GPBP1: variants seen among roughly 807,000 people sequenced by gnomAD.
The protein encoded by GPBP1 is GC-rich promoter binding protein 1, also known as vasculin.
GPBP1 carries 13 observed loss-of-function variants against 56.5 expected under a neutral mutation model. That is an observed-to-expected ratio of 0.23 (90% CI 0.15 to 0.37). The LOEUF (loss-of-function observed/expected upper bound fraction) is 0.37. Among genes scored for constraint, GPBP1 ranks in the 10% least tolerant of loss-of-function variants. The pLI is 1.00. For synonymous variants in GPBP1, 204 were observed against 188.9 expected (o/e 1.08, Z -0.66); for missense variants, 477 against 572.3 (o/e 0.83, Z 1.70).
intron 2 of GPBP1, among the ~76,000 whole-genome samples, chr5:57,179,408 G>T (rs1459682067): frequency 6.6e-6 from 1 of 152,058 alleles, no homozygotes; most frequent in East Asian, 1.9e-4. Context: ...GAGTGTAATG[G>T]CACGATTGTA....
At position 57,176,257 on chromosome 5, in the gene GPBP1, T is replaced by A. The variant is rs534828031; in HGVS notation, c.-201T>A. On this transcript the variant is annotated 5_prime_UTR_variant, in exon 2 of 12. Transcript: ENST00000506184. Reference sequence around the variant, plus strand: ...AGAAGTATGGGTAGCTGACTTGAAGTAACTCTATGTCAAATAGTCGTAGGT... The same window carrying A: ...AGAAGTATGGGTAGCTGACTTGAAGAAACTCTATGTCAAATAGTCGTAGGT... The A allele has an allele frequency of 8.1e-6, 3 of 369,722 alleles. No individual in the cohort carries two copies. In the South Asian group the frequency reaches 4.4e-4, roughly 55 times the overall value. 22.9% of individuals were successfully genotyped at this position (369,722 alleles called of 1,614,324 possible).
At chr5:57,221,305 T>G in intron 3 of GPBP1, 1 of 1,070,750 alleles carries the variant, frequency 9.3e-7, no homozygotes, top group Non-Finnish European at 1.3e-6. Context: ...TTTTTTCTTT[T>G]GTGATTTTCT....
intron 2 of GPBP1, among the ~76,000 whole-genome samples, chr5:57,192,382 C>T (rs910832061): frequency 6.6e-5 from 10 of 152,114 alleles, no homozygotes; most frequent in African/African-American, 2.4e-4. Flanking sequence ...CATCTTTTAC[C>T]TGTCTAGGTG....
chr5:57,229,146 G>A (rs1756324893), intron 3 of GPBP1, among the ~76,000 whole-genome samples: 1 of 147,072 alleles, frequency 6.8e-6, no homozygotes, highest in South Asian at 2.2e-4. Context: ...CAGGAGAATC[G>A]CTGGAACCCA....
chr5:57,180,262 C>T (rs879889029), intron 2 of GPBP1, among the ~76,000 whole-genome samples: 1 of 152,028 alleles, frequency 6.6e-6, no homozygotes, highest in Non-Finnish European at 1.5e-5. Flanking sequence ...TTACAGGTCC[C>T]CGCTGCCATG....
chr5:57,224,041 G>C lies in GPBP1; in HGVS notation c.64-6805G>C, dbSNP rs553799399. 1.1e-4 allele frequency among the ~76,000 whole-genome samples: 17 copies of C among 150,698 alleles called. 1 individual carries two copies. Among genetic ancestry groups the C allele is most frequent in the Admixed American group, 2.7e-4 (4 of 15,090 alleles). On this transcript the variant is annotated intron_variant, in intron 3 of 11. Coordinates refer to ENST00000506184, the MANE Select transcript of GPBP1 (RefSeq NM_022913.4). ...GTAGAGACGGGGTTTCACCATGTTA[G>C]CCAGGATGGTCTCGATCTCCTGACC...
At chr5:57,245,332 T>G (rs1741042012) in intron 6 of GPBP1, 1 of 152,178 alleles carries the variant, frequency 6.6e-6, no homozygotes, top group Non-Finnish European at 1.5e-5. Context: ...TTGGAGAGCT[T>G]GAATCCTCCC....
chr5:57,189,684 C>T (rs1754436247), intron 2 of GPBP1, among the ~76,000 whole-genome samples: 2 of 152,190 alleles, frequency 1.3e-5, no homozygotes, highest in Admixed American at 1.3e-4. Flanking sequence ...CATTATTGTG[C>T]TTAAAACCCT....
chr5:57,233,343 T>C (rs887421477), intron 5 of GPBP1, among the ~76,000 whole-genome samples: 1 of 152,168 alleles, frequency 6.6e-6, no homozygotes, highest in Admixed American at 6.6e-5. Flanking sequence ...TACTCTGTAT[T>C]CTCATGTTAG....
chr5:57,219,433 A>AAAAAAAAAAAACAG (rs753075871), intron 3 of GPBP1, among the ~76,000 whole-genome samples: 4 of 109,504 alleles, frequency 3.7e-5, no homozygotes, highest in Admixed American at 1.0e-4. Context: ...AAAAAAAACA[A>AAAAAAAAAAAACAG]CAAAACCACA....
At chr5:57,252,627 A>C (rs938191991) in intron 10 of GPBP1, among the ~76,000 whole-genome samples, 5 of 152,142 alleles carry the variant, frequency 3.3e-5, no homozygotes, top group African/African-American at 7.2e-5. Context: ...TCCTGAGCTG[A>C]AGCGATCCTC....
chr5:57,213,809 T>C lies in GPBP1; in HGVS notation c.-57-265T>C, dbSNP rs192575510. 2.6e-5 allele frequency among the ~76,000 whole-genome samples: 4 copies of C among 152,364 alleles called. No individual in the cohort carries two copies. In the East Asian group the frequency reaches 7.7e-4, roughly 29 times the overall value. ...TTTATGAAAAAACCAGTTTTAAGTT[T>C]ATAATTTGAGGTTTGACAAATGTGT... On this transcript the variant is annotated intron_variant, in intron 2 of 11. Transcript: ENST00000506184.
At position 57,231,089 on chromosome 5, in the gene GPBP1, C is replaced by T; in HGVS notation, c.188-9C>T. On this transcript the variant is annotated splice_polypyrimidine_tract_variant and intron_variant, in intron 4 of 11. Coordinates refer to ENST00000506184, the MANE Select transcript of GPBP1 (RefSeq NM_022913.4). ...TGAATTTATATTACTTTGCTATTAT[C>T]AAATAAAGGTAACTTTGGAAGGAAA... 6.2e-7 allele frequency: 1 copy of T among 1,607,006 alleles called. No homozygotes were observed. Among genetic ancestry groups the T allele is most frequent in the Non-Finnish European group, 8.5e-7 (1 of 1,175,980 alleles).
At chr5:57,260,029 T>C (rs1741819415) in intron 10 of GPBP1, among the ~76,000 whole-genome samples, 1 of 152,186 alleles carries the variant, frequency 6.6e-6, no homozygotes, top group Admixed American at 6.5e-5. Context: ...TTTGAAGAAA[T>C]GCTTCAGAAT....
rs1380982456 is a variant in GPBP1 at position 57,180,651 on chromosome 5, T to C, written c.-58+4251T>C. Among the ~76,000 whole-genome samples, 13 of 152,196 alleles carry C rather than the reference T, an allele frequency of 8.5e-5. No individual in the cohort carries two copies. The East Asian group carries it at 2.5e-3, about 29-fold the overall frequency. ...TGTGTGACTGTATGTTCACCTAACT[T>C]TTTTTGGCCTTAGTTTCTTCATTAT... On this transcript the variant is annotated intron_variant, in intron 2 of 11. Coordinates refer to ENST00000506184, the MANE Select transcript of GPBP1 (RefSeq NM_022913.4).
chr5:57,210,544 G>T (rs550050895), intron 2 of GPBP1, among the ~76,000 whole-genome samples: 1 of 152,250 alleles, frequency 6.6e-6, no homozygotes, highest in East Asian at 1.9e-4. Flanking sequence ...TGCCTTTTTT[G>T]AGGGGGAGGG....
At chr5:57,182,985 C>T (rs1450746825) in intron 2 of GPBP1, among the ~76,000 whole-genome samples, 1 of 152,196 alleles carries the variant, frequency 6.6e-6, no homozygotes, top group Non-Finnish European at 1.5e-5. Context: ...GTCTGGCCCC[C>T]TTTAATTCTT....
intron 3 of GPBP1, among the ~76,000 whole-genome samples, chr5:57,225,506 A>C (rs1756145546): frequency 7.1e-6 from 1 of 140,018 alleles, no homozygotes; most frequent in Non-Finnish European, 1.5e-5. Context: ...AAAAAAAAAA[A>C]AAAAACAAAC....
chr5:57,216,613 G>A (rs1464403226), intron 3 of GPBP1, among the ~76,000 whole-genome samples: 2 of 152,186 alleles, frequency 1.3e-5, no homozygotes, highest in Non-Finnish European at 1.5e-5. Flanking sequence ...TTGAACCCGG[G>A]AGGTAGAGGT....
Sources: gnomAD v4.1 joint callset for allele counts (sites outside exome capture counted in the v4.1 genomes callset) on GRCh38, gnomAD v4.1.1 for gene constraint, MANE v1.5 for transcripts, NCBI Gene and HGNC (gene_info 2026-07-23, HGNC 2026-07-21) for gene names.